The following ZNF547 variants were observed in gnomAD, a reference collection of about 807,000 sequenced individuals.
ZNF547 encodes the protein zinc finger protein 547.
In ZNF547, 4 loss-of-function variants were observed where a neutral mutation model predicts 7.7. The observed-to-expected ratio is 0.52, with a 90% CI of 0.26 to 1.20. The LOEUF is 1.20. ZNF547 is among the 50% of genes most tolerant of loss of function. The pLI is 0.14. For synonymous variants in ZNF547, 166 were observed against 166.2 expected, an observed-to-expected ratio of 1.00 and a Z score of 0.01; for missense variants, 449 against 485.8, an observed-to-expected ratio of 0.92 and a Z score of 0.71.
intron 3 of ZNF547, among the ~76,000 whole-genome samples, chr19:57,374,023 A>G (rs191786869): frequency 6.3e-4 from 95 of 151,958 alleles, no homozygotes; most frequent in Admixed American, 2.2e-3. Context: ...GGGGGCTCCG[A>G]CCCCACATTT....
intron 1 of ZNF547, among the ~76,000 whole-genome samples, chr19:57,366,019 C>T (rs1466347413): frequency 2.0e-5 from 3 of 149,268 alleles, no homozygotes; most frequent in Non-Finnish European, 4.4e-5. Context: ...CATGCACCAC[C>T]ACGCCTGGCT....
chr19:57,364,805 C>G, intron 1 of ZNF547: 14 of 1,564,088 alleles, frequency 9.0e-6, no homozygotes, highest in Non-Finnish European at 1.1e-5. Flanking sequence ...TTGTCGGCCT[C>G]CCGCTGCAGG....
intron 1 of ZNF547, among the ~76,000 whole-genome samples, chr19:57,367,633 CCTCTGCCTAGA>C (rs927489008): frequency 6.6e-6 from 1 of 152,156 alleles, no homozygotes; most frequent in African/African-American, 2.4e-5. Context: ...AGGATTTTGT[CCTCTGCCTAGA>C]AAAAGGGAGG....
intron 3 of ZNF547, among the ~76,000 whole-genome samples, chr19:57,372,610 C>T (rs2088513391): frequency 6.6e-6 from 1 of 152,158 alleles, no homozygotes; most frequent in South Asian, 2.1e-4. Flanking sequence ...TCTGGTGACC[C>T]CTGTTGTTTA....
intron 2 of ZNF547, chr19:57,371,496 T>A (rs1600077160): frequency 6.0e-6 from 2 of 334,814 alleles, no homozygotes; most frequent in East Asian, 1.1e-4. Flanking sequence ...GTTTGGCTAG[T>A]TTTAGTAATT....
intron 2 of ZNF547, among the ~76,000 whole-genome samples, chr19:57,370,527 TGACTG>T (rs932277675): frequency 2.0e-5 from 3 of 152,140 alleles, no homozygotes; most frequent in Non-Finnish European, 4.4e-5. Flanking sequence ...TCTGTGGAAT[TGACTG>T]GAGTGGAGGT....
chr19:57,366,617 C>T lies in ZNF547; in HGVS notation c.-12-1927C>T, dbSNP rs116460309. On this transcript the variant is annotated intron_variant, in intron 1 of 3. Coordinates refer to ENST00000282282, the MANE Select transcript of ZNF547 (RefSeq NM_173631.4). Reference sequence around the variant, plus strand: ...CAGGCTGGAGTGCAGTGGCGCTTGGCTCACTGCAACCTCTGCCTCCTGACT... The same window carrying T: ...CAGGCTGGAGTGCAGTGGCGCTTGGTTCACTGCAACCTCTGCCTCCTGACT... Among the ~76,000 whole-genome samples, 279 of 141,140 alleles carry T rather than the reference C, an allele frequency of 2.0e-3. 1 individual carries two copies. The highest frequency in any genetic ancestry group is 7.1e-3 in the African/African-American group (265 of 37,524). The allele number at this position is 141,140 out of a possible 152,430, so 92.6% of individuals were successfully genotyped here. A position where few individuals can be genotyped will look rare whatever the true frequency, so the allele number is the denominator to read the frequency against.
At chr19:57,363,794 C>G (rs892967012) in intron 1 of ZNF547, 91 bp downstream of exon 1, 3 of 151,350 alleles carry the variant, frequency 2.0e-5, no homozygotes, top group Admixed American at 1.3e-4. Flanking sequence ...AGGTCAGGCC[C>G]CTTGTCTCGA....
intron 1 of ZNF547, chr19:57,364,650 A>G: frequency 3.3e-6 from 2 of 613,554 alleles, no homozygotes; most frequent in Non-Finnish European, 5.7e-6. Context: ...CTGAGGCAGG[A>G]GAATTGCCTG....
rs551223571 is a variant in ZNF547 at position 57,376,335 on chromosome 19, A to G, written c.152-793A>G. ...CTGGGTGGGGACGCAGAGCCTAACCATATTGTTTCCAGACCAAACCGAGGG... is the reference window on the plus strand; with the variant it reads ...CTGGGTGGGGACGCAGAGCCTAACCGTATTGTTTCCAGACCAAACCGAGGG... On this transcript the variant is annotated intron_variant, in intron 3 of 3. Transcript: ENST00000282282. Among the ~76,000 whole-genome samples the G allele has an allele frequency of 8.5e-5, 13 of 152,266 alleles. No individual in the cohort carries two copies. The East Asian group carries it at 1.7e-3, about 20-fold the overall frequency.
In ZNF547 at chr19:57,377,610, TATG is replaced by T. The variant is rs1203156928; in HGVS notation, c.636_638del (p.Tyr212_Glu213delinsTer). The stretch of plus-strand genomic sequence containing the variant: ...GAGAACTCACACTGGAGAAAGGCCT[TATG>T]AGTGCAATGAATGTGGGAAAGCCTT... On this transcript the variant is annotated stop_gained and inframe_deletion, in exon 4 of 4. Coordinates refer to ENST00000282282, the MANE Select transcript of ZNF547 (RefSeq NM_173631.4). LOFTEE classifies it low-confidence loss of function (END_TRUNC). The T allele has an allele frequency of 2.5e-6, 4 of 1,614,190 alleles. No homozygotes were observed. The highest frequency in any genetic ancestry group is 3.4e-6 in the Non-Finnish European group (4 of 1,180,010).
At chr19:57,365,222 T>C (rs2088458356) in intron 1 of ZNF547, 3 of 1,581,412 alleles carry the variant, frequency 1.9e-6, no homozygotes. Context: ...GACAGAAAAG[T>C]TCAGTTTCTT....
chr19:57,378,414 G>A lies in ZNF547; in HGVS notation c.*229G>A. On this transcript the variant is annotated 3_prime_UTR_variant, in exon 4 of 4. Transcript: ENST00000282282. ...CTCTCATCTCATTAGACATTGGAGA[G>A]TTTACACTGAAGAAGAGTCTTTTCA... 1 of 699,604 alleles carries A rather than the reference G, an allele frequency of 1.4e-6. No homozygotes were observed. Among genetic ancestry groups the A allele is most frequent in the Non-Finnish European group, 2.6e-6 (1 of 380,862 alleles). The allele number at this position is 699,604 out of a possible 1,614,324, so 43.3% of individuals were successfully genotyped here.
rs1600073701 is a variant in ZNF547, at chr19:57,364,772, C to T, written c.-13+1069C>T. ...AGGTGCGGAGCGCGGGTCTCTTCCG[C>T]GGAAACTGACATTGCGTTTCCGTTG... On this transcript the variant is annotated intron_variant, in intron 1 of 3. Coordinates refer to ENST00000282282, the MANE Select transcript of ZNF547 (RefSeq NM_173631.4). 7.1e-6 allele frequency: 10 copies of T among 1,406,340 alleles called. No homozygotes were observed. In the East Asian group the frequency reaches 2.4e-4, roughly 34 times the overall value. 87.1% of individuals were successfully genotyped at this position (1,406,340 alleles called of 1,614,324 possible).
At chr19:57,370,192 A>C in intron 2 of ZNF547, among the ~76,000 whole-genome samples, 1 of 152,136 alleles carries the variant, frequency 6.6e-6, no homozygotes, top group African/African-American at 2.4e-5. Flanking sequence ...CACCCAGCCC[A>C]TAGTTCTTCA....
At chr19:57,365,015 T>G in intron 1 of ZNF547, 1 of 1,612,568 alleles carries the variant, frequency 6.2e-7, no homozygotes, top group Middle Eastern at 1.7e-4. Flanking sequence ...AACATGTACT[T>G]GAAAACTGTG....
intron 1 of ZNF547, chr19:57,368,036 T>G (rs780055015): frequency 6.5e-6 from 1 of 154,460 alleles, no homozygotes; most frequent in Non-Finnish European, 1.4e-5. Flanking sequence ...TGTGTACACA[T>G]AGGCAGTTAG....
rs201444021 is a variant in ZNF547, at chr19:57,378,215, A to C, written c.*30A>C. 212 of 1,574,912 alleles carry C rather than the reference A, an allele frequency of 1.3e-4. No individual in the cohort carries two copies. The African/African-American group carries it at 2.6e-3, about 19-fold the overall frequency. On this transcript the variant is annotated 3_prime_UTR_variant, in exon 4 of 4. Transcript: ENST00000282282. ...CTTATGAATGCAGTGGATATGGGAAAGCCTTCAGTCACCAACATATTGTGG... is the reference window on the plus strand; with the variant it reads ...CTTATGAATGCAGTGGATATGGGAACGCCTTCAGTCACCAACATATTGTGG...
chr19:57,369,453 G>A (rs981784134), intron 2 of ZNF547, among the ~76,000 whole-genome samples: 4 of 152,198 alleles, frequency 2.6e-5, no homozygotes, highest in African/African-American at 9.7e-5. Context: ...ACTCCTGGTG[G>A]AGGAGTTCAG....
Sources: allele counts gnomAD v4.1 joint callset (sites outside exome capture counted in the v4.1 genomes callset), GRCh38; gene constraint gnomAD v4.1.1; transcripts MANE v1.5; gene names NCBI Gene and HGNC (gene_info 2026-07-23, HGNC 2026-07-21).